The following SUMF1 variants were observed in gnomAD, a reference collection of about 807,000 sequenced individuals.
The protein encoded by SUMF1 is sulfatase modifying factor 1.
Under a neutral mutation model 47.6 loss-of-function variants are expected in SUMF1, and 48 were observed. The ratio of observed to expected loss-of-function variants is 1.01; its 90% CI spans 0.80 to 1.28. The LOEUF (loss-of-function observed/expected upper bound fraction) is 1.28. SUMF1 is among the 50% of genes most tolerant of loss of function. SUMF1 has a pLI of 0.00. For missense variants in SUMF1, 571 were observed against 485.4 expected, an observed-to-expected ratio of 1.18 and a Z score of -1.66; for synonymous variants, 230 against 192.1, an observed-to-expected ratio of 1.20 and a Z score of -1.63.
At chr3:4,220,233 T>C (rs1340838811) in intron 8 of SUMF1, among the ~76,000 whole-genome samples, 2 of 152,168 alleles carry the variant, frequency 1.3e-5, no homozygotes, top group African/African-American at 4.8e-5. Flanking sequence ...TCTCTGTGTG[T>C]GTGCTGCACT....
At chr3:4,456,676 GTA>G (rs1263106326) in intron 1 of SUMF1, among the ~76,000 whole-genome samples, 1,473 of 138,248 alleles carry the variant, frequency 0.011, 82 homozygotes, top group African/African-American at 0.036. Flanking sequence ...ATATATACGT[GTA>G]TATATATATG....
At chr3:4,110,188 A>C (rs1388287468) in intron 8 of SUMF1, among the ~76,000 whole-genome samples, 2 of 152,014 alleles carry the variant, frequency 1.3e-5, no homozygotes, top group East Asian at 3.9e-4. Flanking sequence ...CTGGAGGTCC[A>C]CTCCAGACCC....
rs889315332 is a variant in SUMF1 at position 4,079,137 on chromosome 3, C to T, written c.1015-10392G>A. ...CCATTTTAGCCCTTCCCACACTAAC[C>T]GCGAATTCAAGATCAGCCCAAGAAG... On this transcript the variant is annotated intron_variant and NMD_transcript_variant, in intron 8 of 12. Transcript: ENST00000448413. 4.6e-5 allele frequency among the ~76,000 whole-genome samples: 7 copies of T among 152,044 alleles called. 1 individual carries two copies. Among genetic ancestry groups the T allele is most frequent in the African/African-American group, 1.2e-4 (5 of 41,360 alleles).
At chr3:4,193,957 T>C (rs1286026712) in intron 8 of SUMF1, among the ~76,000 whole-genome samples, 1 of 152,162 alleles carries the variant, frequency 6.6e-6, no homozygotes, top group Non-Finnish European at 1.5e-5. Context: ...ATTATTGGAA[T>C]AGGCCACAAT....
At chr3:4,085,239 A>C (rs1692647312) in intron 8 of SUMF1, among the ~76,000 whole-genome samples, 1 of 152,120 alleles carries the variant, frequency 6.6e-6, no homozygotes, top group South Asian at 2.1e-4. Context: ...TGTGGCTGGG[A>C]ACAATTACTT....
intron 8 of SUMF1, among the ~76,000 whole-genome samples, chr3:4,279,769 T>C (rs990442737): frequency 6.6e-6 from 1 of 152,172 alleles, no homozygotes; most frequent in Non-Finnish European, 1.5e-5. Flanking sequence ...ATGGAACCAC[T>C]TTTTCCCAGT....
Position 4,270,608 on chromosome 3 carries a change from A to G in SUMF1, c.1014+105722T>C, listed in dbSNP as rs73117617. Among the ~76,000 whole-genome samples the G allele has an allele frequency of 8.0e-3, 1,211 of 152,290 alleles. 15 individuals are homozygous for G. The highest frequency in any genetic ancestry group is 0.028 in the African/African-American group (1,154 of 41,546). On this transcript the variant is annotated intron_variant and NMD_transcript_variant, in intron 8 of 12. Coordinates refer to the SUMF1 transcript ENST00000448413. Reference sequence around the variant, plus strand: ...GGAATTGAGTGTAAGGGGAACTTCAATTTATGGGAAGAAGAAGGTCGTCAA... The same window carrying G: ...GGAATTGAGTGTAAGGGGAACTTCAGTTTATGGGAAGAAGAAGGTCGTCAA...
At chr3:4,374,018 T>A (rs982350733) in intron 8 of SUMF1, among the ~76,000 whole-genome samples, 5 of 152,062 alleles carry the variant, frequency 3.3e-5, no homozygotes, top group African/African-American at 1.2e-4. Flanking sequence ...AAATTAGCAA[T>A]GGAAAAAAAC....
At chr3:4,282,223 A>T (rs972043379) in intron 8 of SUMF1, among the ~76,000 whole-genome samples, 1 of 152,178 alleles carries the variant, frequency 6.6e-6, no homozygotes, top group African/African-American at 2.4e-5. Flanking sequence ...GAAACATAAA[A>T]TCAATGTACT....
chr3:4,307,384 C>T (rs1698232640), intron 8 of SUMF1, among the ~76,000 whole-genome samples: 1 of 152,172 alleles, frequency 6.6e-6, no homozygotes, highest in Non-Finnish European at 1.5e-5. Context: ...CATAACCATG[C>T]TTTTCCCTGA....
At chr3:4,257,875 C>T (rs1696991271) in intron 8 of SUMF1, among the ~76,000 whole-genome samples, 1 of 151,270 alleles carries the variant, frequency 6.6e-6, no homozygotes, top group South Asian at 2.1e-4. Context: ...TACAAGGCTA[C>T]AGTAACCAAA....
At chr3:4,265,442 T>C (rs1231733277) in intron 8 of SUMF1, among the ~76,000 whole-genome samples, 1 of 152,194 alleles carries the variant, frequency 6.6e-6, no homozygotes, top group East Asian at 1.9e-4. Context: ...CATATATAAA[T>C]AACACTTTAT....
At chr3:4,252,460 AT>A (rs1326792539) in intron 8 of SUMF1, among the ~76,000 whole-genome samples, 1 of 152,180 alleles carries the variant, frequency 6.6e-6, no homozygotes, top group Non-Finnish European at 1.5e-5. Flanking sequence ...TAATCTCTAA[AT>A]AGATTCACCG....
At chr3:4,059,876 G>A (rs1695249515) in intron 9 of SUMF1, among the ~76,000 whole-genome samples, 3 of 151,520 alleles carry the variant, frequency 2.0e-5, no homozygotes, top group African/African-American at 7.3e-5. Flanking sequence ...GTGATGTGCT[G>A]GATAAGGAGA....
chr3:4,424,415 C>T (rs17685459), intron 3 of SUMF1, among the ~76,000 whole-genome samples: 2,669 of 152,162 alleles, frequency 0.018, 25 homozygotes, highest in African/African-American at 0.024. Flanking sequence ...ATGAGGTGCA[C>T]GGTAAGATGG....
chr3:4,200,445 G>A (rs957002483), intron 8 of SUMF1, among the ~76,000 whole-genome samples: 2 of 152,032 alleles, frequency 1.3e-5, no homozygotes, highest in Non-Finnish European at 2.9e-5. Flanking sequence ...TCCTGGAGCT[G>A]GGACACCCTT....
intron 1 of SUMF1, among the ~76,000 whole-genome samples, chr3:4,465,023 T>C (rs917900674): frequency 1.3e-5 from 2 of 152,252 alleles, no homozygotes; most frequent in Non-Finnish European, 2.9e-5. Flanking sequence ...CATCCCATTC[T>C]GGAACCCAGA....
chr3:4,168,407 A>T (rs770675691), intron 8 of SUMF1, among the ~76,000 whole-genome samples: 1 of 152,196 alleles, frequency 6.6e-6, no homozygotes, highest in Non-Finnish European at 1.5e-5. Context: ...ATGTGATGAG[A>T]GATGAACAGA....
chr3:4,074,501 A>C (rs1013282092), intron 8 of SUMF1, among the ~76,000 whole-genome samples: 4 of 152,040 alleles, frequency 2.6e-5, no homozygotes, highest in Admixed American at 1.3e-4. Context: ...GAGCAGGACT[A>C]AAGGAGAAAG....
Sources: allele counts gnomAD v4.1 joint callset (sites outside exome capture counted in the v4.1 genomes callset), GRCh38; gene constraint gnomAD v4.1.1; transcripts MANE v1.5; gene names NCBI Gene and HGNC (gene_info 2026-07-23, HGNC 2026-07-21).